Variants in USP6 observed in about 807,000 individuals in gnomAD.
USP6 encodes the protein ubiquitin specific peptidase 6, also known as ubiquitin carboxyl-terminal hydrolase 6.
Under a neutral mutation model 175.7 loss-of-function variants are expected in USP6, and 128 were observed. The ratio of observed to expected loss-of-function variants is 0.73; its 90% CI spans 0.63 to 0.84. The LOEUF is 0.84. USP6 is among the 40% of genes least tolerant of loss of function. The pLI, the probability that USP6 is intolerant of heterozygous loss-of-function variation, is 0.00. For synonymous variants in USP6, 562 were observed against 630.6 expected (o/e 0.89, Z 1.63); for missense variants, 1,498 against 1,760.3 (o/e 0.85, Z 2.67).
In USP6 at chr17:5,135,241, G is replaced by A; in HGVS notation, c.502G>A (p.Glu168Lys). ...CCTTTCTGTGTTTCCTAGGCAGAGGGAACTATTCTACATCCTCCTGGCCTA... is the reference window on the plus strand; with the variant it reads ...CCTTTCTGTGTTTCCTAGGCAGAGGAAACTATTCTACATCCTCCTGGCCTA... The part of the protein sequence containing the change: ...FRDRYGAKQR[E>K]LFYILLAYSE... Residue 168 changes from glutamate (E) to lysine (K), a missense_variant, in exon 16 of 38, where the codon GAA (glutamate) becomes AAA (lysine). Coordinates refer to ENST00000574788, the MANE Select transcript of USP6 (RefSeq NM_001304284.2). 1 of 1,612,908 alleles carries A rather than the reference G, an allele frequency of 6.2e-7. No individual in the cohort carries two copies. The highest frequency in any genetic ancestry group is 8.5e-7 in the Non-Finnish European group (1 of 1,179,144).
At chr17:5,166,249 T>C (rs1844517566) in intron 33 of USP6, among the ~76,000 whole-genome samples, 2 of 152,146 alleles carry the variant, frequency 1.3e-5, no homozygotes, top group African/African-American at 4.8e-5. Context: ...TTTCCTTTTC[T>C]AAAAAAAGAA....
At chr17:5,164,346 T>A (rs1020318043) in intron 33 of USP6, among the ~76,000 whole-genome samples, 4 of 152,214 alleles carry the variant, frequency 2.6e-5, no homozygotes, top group African/African-American at 9.6e-5. Context: ...TGGATACTTG[T>A]CAAATGAAAG....
chr17:5,171,607 T>TG lies in USP6; in HGVS notation c.3980dup (p.His1328ProfsTer17), dbSNP rs1290929062. 2.5e-6 allele frequency: 4 copies of TG among 1,613,722 alleles called. No homozygotes were observed. The East Asian group carries it at 6.7e-5, about 27-fold the overall frequency. ...TACAGTGCCATTCAGGAATTCTGAG[T>TG]GGGGGCCATTACATCACTTATGCCA... is the stretch of plus-strand genomic sequence containing the variant. On this transcript the variant is annotated frameshift_variant, in exon 37 of 38. Transcript: ENST00000574788. LOFTEE classifies it high-confidence loss of function.
intron 31 of USP6, among the ~76,000 whole-genome samples, chr17:5,158,609 GA>G (rs1441924937): frequency 1.8e-4 from 23 of 126,056 alleles, no homozygotes; most frequent in African/African-American, 6.8e-4. Flanking sequence ...GAGAGAGGGA[GA>G]GGGGGAGAGA....
In USP6 at chr17:5,162,876, C is replaced by T. The variant is rs776541968; in HGVS notation, c.2916-8C>T. The T allele has an allele frequency of 4.4e-6, 7 of 1,591,270 alleles. No homozygotes were observed. Among genetic ancestry groups the T allele is most frequent in the African/African-American group, 1.4e-5 (1 of 73,322 alleles). ...TTCTTCCTCTGTGGATCTTTCCCCC[C>T]TTTTTAGATTTTGCAGAGGCTGTAA... On this transcript the variant is annotated splice_polypyrimidine_tract_variant and splice_region_variant and intron_variant, in intron 32 of 37. Transcript: ENST00000574788.
chr17:5,171,532 C>G (rs1375397711), intron 36 of USP6, 55 bp from the exon 37 acceptor site: 1 of 1,553,926 alleles, frequency 6.4e-7, no homozygotes, highest in African/African-American at 1.4e-5. Context: ...AGTGCTATAC[C>G]CTGGCCATAG....
chr17:5,142,222 C>T (rs1410419035), intron 24 of USP6, 81 bp downstream of exon 24: 1 of 1,555,942 alleles, frequency 6.4e-7, no homozygotes, highest in East Asian at 2.3e-5. Flanking sequence ...TCTTTTTTCA[C>T]CCTGCGGGAG....
chr17:5,130,128 TC>T, intron 9 of USP6, 39 bp downstream of exon 9: 1 of 531,930 alleles, frequency 1.9e-6, no homozygotes, highest in Non-Finnish European at 3.4e-6. Flanking sequence ...ACAACCGGAT[TC>T]TCTGTCCAGG....
chr17:5,171,632 A>G lies in USP6; in HGVS notation c.4000A>G (p.Lys1334Glu). Reference protein sequence around the residue: ...LSGGHYITYAKNPNCKWYCYN... With the variant: ...LSGGHYITYAENPNCKWYCYN... ...TGGGGGCCATTACATCACTTATGCC[A>G]AAAACCCAAACTGCAAGTGGTACTG... Residue 1334 changes from lysine to glutamate, a missense_variant, in exon 37 of 38, where the codon AAA becomes GAA. Physicochemically the swap from Lys to Glu is moderately conservative, Grantham distance 56. Coordinates refer to ENST00000574788, the MANE Select transcript of USP6 (RefSeq NM_001304284.2). 1.2e-6 allele frequency: 2 copies of G among 1,613,058 alleles called. No homozygotes were observed. Among genetic ancestry groups the G allele is most frequent in the Non-Finnish European group, 1.7e-6 (2 of 1,179,310 alleles).
At chr17:5,169,153 G>A in intron 35 of USP6, 98 bp downstream of exon 35, 1 of 1,312,144 alleles carries the variant, frequency 7.6e-7, no homozygotes, top group Non-Finnish European at 1.0e-6. Flanking sequence ...TTGGTTGGGT[G>A]GAAGGAACCT....
At chr17:5,136,774 C>T (rs765087654) in intron 18 of USP6, 40 bp downstream of exon 18, 4 of 1,605,050 alleles carry the variant, frequency 2.5e-6, no homozygotes, top group Admixed American at 1.7e-5. Flanking sequence ...AGAGGCCCTG[C>T]CTCCTGTGGG....
rs2073108284 is a variant in USP6 at position 5,132,604 on chromosome 17, G to A, written c.195+169G>A. Among the ~76,000 whole-genome samples, 2 of 152,188 alleles carry A rather than the reference G, an allele frequency of 1.3e-5. No homozygotes were observed. Among genetic ancestry groups the A allele is most frequent in the African/African-American group, 4.8e-5 (2 of 41,446 alleles). ...CAAGTTGCTGTAACTTTGGCAGTTT[G>A]ATAAAATTCCAAAGTGAGAACCACA... On this transcript the variant is annotated intron_variant, in intron 12 of 37. Coordinates refer to ENST00000574788, the MANE Select transcript of USP6 (RefSeq NM_001304284.2). The surrounding 1 kb of genome is among the most constrained non-coding windows in gnomAD (Gnocchi z 4.7).
chr17:5,161,634 A>G lies in USP6; in HGVS notation c.2915+20A>G. On this transcript the variant is annotated intron_variant, in intron 32 of 37. Transcript: ENST00000574788. ...GTATAGGTAAAGTGACCTGCAAAAG[A>G]ATTACTTTAGTAGAATTTCAGCTTT... The G allele has an allele frequency of 1.9e-6, 3 of 1,610,302 alleles. No individual in the cohort carries two copies. The highest frequency in any genetic ancestry group is 2.5e-6 in the Non-Finnish European group (3 of 1,177,060).
intron 2 of USP6, among the ~76,000 whole-genome samples, chr17:5,119,638 T>C (rs2072607400): frequency 6.6e-6 from 1 of 152,158 alleles, no homozygotes. Flanking sequence ...TAGACTTCAT[T>C]TGTCCCTTGA....
Position 5,170,777 on chromosome 17 carries a change from T to G in USP6, c.3816T>G (p.Tyr1272Ter), listed in dbSNP as rs2074199254. 2 of 1,613,930 alleles carry G rather than the reference T, an allele frequency of 1.2e-6. No homozygotes were observed. Among genetic ancestry groups the G allele is most frequent in the African/African-American group, 2.7e-5 (2 of 75,038 alleles). Residue 1272 changes from tyrosine (Y) to a stop codon, truncating the protein, a stop_gained, in exon 36 of 38, where the codon TAT (tyrosine) becomes TAG (stop). Coordinates refer to ENST00000574788, the MANE Select transcript of USP6 (RefSeq NM_001304284.2). LOFTEE classifies it high-confidence loss of function. ...HEVALANGFLYEHEACGNGCG... is the reference protein window; with the variant it reads ...HEVALANGFL ...TAGCTTTGGCCAATGGATTCCTTTATGAGCATGAAGCATGTGGCAATGGCT... is the reference window on the plus strand; with the variant it reads ...TAGCTTTGGCCAATGGATTCCTTTAGGAGCATGAAGCATGTGGCAATGGCT...
At chr17:5,163,309 C>G (rs1277411121) in intron 33 of USP6, among the ~76,000 whole-genome samples, 1 of 152,170 alleles carries the variant, frequency 6.6e-6, no homozygotes, top group Non-Finnish European at 1.5e-5. Flanking sequence ...CTGGGAAGTT[C>G]AAGGACATGG....
chr17:5,135,353 T>C, intron 16 of USP6, 71 bp downstream of exon 16: 1 of 1,570,392 alleles, frequency 6.4e-7, no homozygotes, highest in Non-Finnish European at 8.7e-7. Context: ...CTGGTGGGGG[T>C]GTCGTTGCTT....
rs186333281 is a variant in USP6, at chr17:5,168,642, T to A, written c.3229-125T>A. The A allele has an allele frequency of 4.4e-3, 5,937 of 1,362,094 alleles. 17 individuals are homozygous for A. The highest frequency in any genetic ancestry group is 5.3e-3 in the Non-Finnish European group (5,290 of 1,001,898). The allele number at this position is 1,362,094 out of a possible 1,614,324, so 84.4% of individuals were successfully genotyped here. A position where few individuals can be genotyped will look rare whatever the true frequency, so the allele number is the denominator to read the frequency against. Reference sequence around the variant, plus strand: ...CCATATTTTTGAAGTCTTTAAAAAATAATGAAGAGTAAATGTTCTGTTATA... The same window carrying A: ...CCATATTTTTGAAGTCTTTAAAAAAAAATGAAGAGTAAATGTTCTGTTATA... On this transcript the variant is annotated intron_variant, in intron 34 of 37. Coordinates refer to ENST00000574788, the MANE Select transcript of USP6 (RefSeq NM_001304284.2).
At chr17:5,129,853 A>G (rs1406923859) in intron 8 of USP6, 83 bp from the exon 9 acceptor site, 1 of 168,344 alleles carries the variant, frequency 5.9e-6, no homozygotes, top group Non-Finnish European at 1.3e-5. Context: ...AAGCAGCTTC[A>G]CTGGTTAGAC....
Sources: allele counts gnomAD v4.1 joint callset (sites outside exome capture counted in the v4.1 genomes callset), GRCh38; gene constraint gnomAD v4.1.1; non-coding constraint Gnocchi (gnomAD v3.1); transcripts MANE v1.5; gene names NCBI Gene and HGNC (gene_info 2026-07-23, HGNC 2026-07-21).